FHIT: variants seen among roughly 807,000 people sequenced by gnomAD.
The protein encoded by FHIT is fragile histidine triad diadenosine triphosphatase.
Under a neutral mutation model 17.9 loss-of-function variants are expected in FHIT, and 19 were observed. The ratio of observed to expected loss-of-function variants is 1.06; its 90% confidence interval spans 0.74 to 1.56. FHIT has a LOEUF of 1.56. Among genes scored for constraint, FHIT ranks in the 40% most tolerant of loss-of-function variants. FHIT has a pLI of 0.00. For synonymous variants in FHIT, 81 were observed against 69.7 expected (o/e 1.16, Z -0.81); for missense variants, 248 against 189.2 (o/e 1.31, Z -1.82).
At chr3:60,831,693 C>T (rs2106818934) in intron 3 of FHIT, among the ~76,000 whole-genome samples, 1 of 152,126 alleles carries the variant, frequency 6.6e-6, no homozygotes, top group South Asian at 2.1e-4. Flanking sequence ...TTTAATCATC[C>T]TAACAACCTA....
intron 5 of FHIT, among the ~76,000 whole-genome samples, chr3:60,297,843 G>T (rs1038710904): frequency 2.0e-5 from 3 of 152,070 alleles, no homozygotes; most frequent in Non-Finnish European, 4.4e-5. Context: ...AGATCCAACA[G>T]GTTAGGGGTT....
chr3:60,449,992 ACT>A (rs2031616967), intron 5 of FHIT, among the ~76,000 whole-genome samples: 1 of 116,476 alleles, frequency 8.6e-6, no homozygotes. Context: ...ACAGAGCTAG[ACT>A]CTGTCAAAAA....
At chr3:59,996,143 C>G (rs1037242906) in intron 7 of FHIT, among the ~76,000 whole-genome samples, 2 of 152,054 alleles carry the variant, frequency 1.3e-5, no homozygotes, top group Admixed American at 6.6e-5. Flanking sequence ...CAGAGACCTC[C>G]CCATTCGTGC....
At chr3:61,172,670 G>A (rs963176534) in intron 2 of FHIT, among the ~76,000 whole-genome samples, 2 of 145,378 alleles carry the variant, frequency 1.4e-5, no homozygotes, top group Admixed American at 6.8e-5. Context: ...ATGGTTATGT[G>A]ACTATGTCCA....
At chr3:59,803,404 G>A (rs541001940) in intron 8 of FHIT, among the ~76,000 whole-genome samples, 2 of 152,308 alleles carry the variant, frequency 1.3e-5, no homozygotes, top group South Asian at 4.2e-4. Context: ...CTTCACCTGG[G>A]TGAGCGGGCT....
At chr3:60,195,050 C>T (rs993988498) in intron 5 of FHIT, among the ~76,000 whole-genome samples, 3 of 152,066 alleles carry the variant, frequency 2.0e-5, no homozygotes, top group African/African-American at 7.2e-5. Flanking sequence ...GCTGTAATCC[C>T]AGCTACTCAG....
chr3:60,859,766 G>A (rs540468718), intron 3 of FHIT, among the ~76,000 whole-genome samples: 6 of 71,514 alleles, frequency 8.4e-5, no homozygotes, highest in East Asian at 2.8e-4. Flanking sequence ...TTTTTTTGCC[G>A]AGCACGGTGG....
At chr3:59,835,027 C>A (rs946110092) in intron 8 of FHIT, among the ~76,000 whole-genome samples, 23 of 152,130 alleles carry the variant, frequency 1.5e-4, no homozygotes, top group Non-Finnish European at 2.2e-4. Context: ...TGTAGATATG[C>A]AAAGATACCA....
intron 5 of FHIT, among the ~76,000 whole-genome samples, chr3:60,489,528 T>C (rs928416886): frequency 1.8e-4 from 28 of 152,160 alleles, no homozygotes. Flanking sequence ...GCCTATAGCA[T>C]TGACCCTGCA....
intron 7 of FHIT, among the ~76,000 whole-genome samples, chr3:59,932,360 C>T (rs1443443468): frequency 6.6e-6 from 1 of 152,146 alleles, no homozygotes; most frequent in East Asian, 1.9e-4. Context: ...GACTTCCTTC[C>T]TCATTGCTCT....
intron 1 of FHIT, among the ~76,000 whole-genome samples, chr3:61,249,933 A>AACACACACACACACACACACAC (rs71100943): frequency 3.2e-5 from 4 of 126,048 alleles, no homozygotes; most frequent in Non-Finnish European, 6.7e-5. Flanking sequence ...AATCAATAAC[A>AACACACACACACACACACACAC]ACACACACAC....
At chr3:59,970,204 G>A (rs572159424) in intron 7 of FHIT, among the ~76,000 whole-genome samples, 6 of 152,208 alleles carry the variant, frequency 3.9e-5, no homozygotes, top group Non-Finnish European at 7.4e-5. Context: ...ACAGATAAAT[G>A]TACTGTAAAA....
intron 2 of FHIT, among the ~76,000 whole-genome samples, chr3:61,163,144 C>T (rs1397557408): frequency 6.6e-6 from 1 of 152,164 alleles, no homozygotes; most frequent in Non-Finnish European, 1.5e-5. Flanking sequence ...CTTCCCTCCT[C>T]CCCACTCCAG....
intron 5 of FHIT, among the ~76,000 whole-genome samples, chr3:60,418,883 C>G (rs1702367469): frequency 6.6e-6 from 1 of 151,882 alleles, no homozygotes; most frequent in Non-Finnish European, 1.5e-5. Context: ...CTATAATAGC[C>G]CAACTCCACA....
chr3:60,482,422 T>A (rs191060904), intron 5 of FHIT, among the ~76,000 whole-genome samples: 212 of 152,276 alleles, frequency 1.4e-3, no homozygotes, highest in African/African-American at 4.8e-3. Context: ...ATCGACCACA[T>A]AATTTGAAGT....
Position 60,089,238 on chromosome 3 carries a change from G to C in FHIT, c.104-75086C>G, listed in dbSNP as rs375590406. ...TAACAAACACAAGTGATTAATATTT[G>C]TTGACTTCATGACACATTTATTTTC... On this transcript the variant is annotated intron_variant, in intron 5 of 9. Transcript: ENST00000492590. 1.4e-4 allele frequency among the ~76,000 whole-genome samples: 22 copies of C among 152,226 alleles called. No homozygotes were observed. The South Asian group carries it at 4.2e-3, about 29-fold the overall frequency.
At chr3:60,255,640 G>T (rs576590044) in intron 5 of FHIT, among the ~76,000 whole-genome samples, 12 of 151,990 alleles carry the variant, frequency 7.9e-5, no homozygotes, top group Non-Finnish European at 1.6e-4. Flanking sequence ...AATTTCGGTG[G>T]CTAGTTTATA....
intron 5 of FHIT, among the ~76,000 whole-genome samples, chr3:60,283,267 A>T (rs1003723933): frequency 2.8e-4 from 43 of 152,196 alleles, no homozygotes; most frequent in African/African-American, 8.4e-4. Flanking sequence ...ACATGTTTGT[A>T]GTATCAGGAA....
chr3:60,678,960 T>TAAA (rs34590329), intron 4 of FHIT, among the ~76,000 whole-genome samples: 1 of 142,368 alleles, frequency 7.0e-6, no homozygotes. Flanking sequence ...TTTGAGTCCT[T>TAAA]AAAAAAAAAA....
Sources: gnomAD v4.1 joint callset for allele counts (sites outside exome capture counted in the v4.1 genomes callset) on GRCh38, gnomAD v4.1.1 for gene constraint, MANE v1.5 for transcripts, NCBI Gene and HGNC (gene_info 2026-07-23, HGNC 2026-07-21) for gene names.